Variants in SHISA9 observed in about 807,000 individuals in gnomAD.
SHISA9 encodes shisa family member 9.
A neutral mutation model predicts 38.0 loss-of-function variants in SHISA9; 13 were observed. That is an observed-to-expected ratio of 0.34 (90% CI 0.22 to 0.54). The LOEUF is 0.54. Ranked by LOEUF, SHISA9 falls within the 20% of genes least tolerant of loss-of-function variation. SHISA9 has a pLI of 0.91. For missense variants in SHISA9, 538 were observed against 575.8 expected, an observed-to-expected ratio of 0.93 and a Z score of 0.67; for synonymous variants, 275 against 242.0, an observed-to-expected ratio of 1.14 and a Z score of -1.27.
chr16:12,991,887 A>G (rs1435655683), intron 2 of SHISA9, among the ~76,000 whole-genome samples: 1 of 152,164 alleles, frequency 6.6e-6, no homozygotes, highest in African/African-American at 2.4e-5. Context: ...AAAAAAATAT[A>G]TCCTTAGCTT....
the SHISA9 span, among the ~76,000 whole-genome samples, chr16:13,555,458 A>G: frequency 6.6e-6 from 1 of 152,236 alleles, no homozygotes; most frequent in African/African-American, 2.4e-5. Flanking sequence ...GTTCCTTTAT[A>G]TACCAGGAAA....
At chr16:12,932,820 G>A (rs779193281) in intron 2 of SHISA9, among the ~76,000 whole-genome samples, 1 of 152,240 alleles carries the variant, frequency 6.6e-6, no homozygotes, top group Non-Finnish European at 1.5e-5. Flanking sequence ...GCTCCCTGCA[G>A]TGGAGTGTTG....
the SHISA9 span, among the ~76,000 whole-genome samples, chr16:13,436,346 C>T: frequency 6.6e-6 from 1 of 152,236 alleles, no homozygotes; most frequent in Non-Finnish European, 1.5e-5. Context: ...AATGCATTAG[C>T]ATGCTAAAGG....
intron 2 of SHISA9, among the ~76,000 whole-genome samples, chr16:13,049,449 G>T (rs993877559): frequency 1.3e-5 from 2 of 152,054 alleles, no homozygotes; most frequent in African/African-American, 4.8e-5. Context: ...TTGAAATGGG[G>T]ATTCATCAGG....
intron 2 of SHISA9, among the ~76,000 whole-genome samples, chr16:13,110,125 G>A (rs2141965876): frequency 6.6e-6 from 1 of 152,280 alleles, no homozygotes; most frequent in East Asian, 1.9e-4. Context: ...CACATATAGA[G>A]GGTTGTGTTG....
intron 2 of SHISA9, among the ~76,000 whole-genome samples, chr16:12,933,127 T>A (rs368259140): frequency 6.6e-6 from 1 of 152,190 alleles, no homozygotes; most frequent in East Asian, 1.9e-4. Context: ...ATATCTTTGT[T>A]TAATGAATGA....
intron 2 of SHISA9, among the ~76,000 whole-genome samples, chr16:13,199,675 G>A (rs918951354): frequency 7.2e-5 from 11 of 152,166 alleles, no homozygotes; most frequent in African/African-American, 2.4e-4. Context: ...TTCGTTGTTT[G>A]ACTCCAATGG....
chr16:13,280,047 C>A, the SHISA9 span, among the ~76,000 whole-genome samples: 3 of 150,200 alleles, frequency 2.0e-5, no homozygotes, highest in East Asian at 5.8e-4. Flanking sequence ...TTTAAATATT[C>A]ATGGGATCAG....
chr16:13,469,371 AAGAAAG>A, the SHISA9 span, among the ~76,000 whole-genome samples: 395 of 87,740 alleles, frequency 4.5e-3, no homozygotes, highest in Non-Finnish European at 5.4e-3. Context: ...AAGAAAAAGA[AAGAAAG>A]AAAGAAAGAA....
At chr16:13,517,955 C>A in the SHISA9 span, among the ~76,000 whole-genome samples, 1 of 152,286 alleles carries the variant, frequency 6.6e-6, no homozygotes, top group East Asian at 1.9e-4. Flanking sequence ...TTACAGAATC[C>A]CTGCTCTTCT....
intron 2 of SHISA9, among the ~76,000 whole-genome samples, chr16:13,020,246 G>A (rs1256245269): frequency 6.6e-6 from 1 of 151,680 alleles, no homozygotes; most frequent in Non-Finnish European, 1.5e-5. Context: ...GGCTTGTCTT[G>A]AACTCCTGAC....
At chr16:13,194,395 G>C (rs570814446) in intron 2 of SHISA9, among the ~76,000 whole-genome samples, 3 of 152,202 alleles carry the variant, frequency 2.0e-5, no homozygotes, top group African/African-American at 4.8e-5. Context: ...CAGACTGTCA[G>C]GTTCAAAGCT....
the SHISA9 span, among the ~76,000 whole-genome samples, chr16:13,307,452 C>G: frequency 1.3e-3 from 192 of 152,260 alleles, no homozygotes; most frequent in African/African-American, 4.0e-3. Flanking sequence ...GCTTTCTGTT[C>G]TAGTAGAAGC....
At chr16:13,253,464 G>A in the SHISA9 span, among the ~76,000 whole-genome samples, 1 of 152,182 alleles carries the variant, frequency 6.6e-6, no homozygotes, top group African/African-American at 2.4e-5. Flanking sequence ...TATAAGAAGA[G>A]GTTTAATGGA....
chr16:12,994,394 G>A (rs1182865379), intron 2 of SHISA9, among the ~76,000 whole-genome samples: 1 of 152,208 alleles, frequency 6.6e-6, no homozygotes, highest in African/African-American at 2.4e-5. Flanking sequence ...CACTGATGCT[G>A]GGCTTAGCCC....
chr16:13,352,474 G>A, the SHISA9 span, among the ~76,000 whole-genome samples: 1 of 152,100 alleles, frequency 6.6e-6, no homozygotes, highest in Non-Finnish European at 1.5e-5. Context: ...AGGGAGATGG[G>A]AGCGTAGCTA....
At chr16:12,951,503 A>G (rs2071756842) in intron 2 of SHISA9, among the ~76,000 whole-genome samples, 1 of 152,126 alleles carries the variant, frequency 6.6e-6, no homozygotes, top group South Asian at 2.1e-4. Context: ...GTTCCAAGAA[A>G]ACATTATTTG....
chr16:13,199,277 T>C (rs2050981108), intron 2 of SHISA9, among the ~76,000 whole-genome samples: 1 of 152,192 alleles, frequency 6.6e-6, no homozygotes. Context: ...TAGGGGGGCC[T>C]ACCATTGAGA....
At chr16:12,937,206 TC>T (rs1310952952) in intron 2 of SHISA9, among the ~76,000 whole-genome samples, 1 of 152,190 alleles carries the variant, frequency 6.6e-6, no homozygotes, top group African/African-American at 2.4e-5. Context: ...TAGCAGTCTG[TC>T]CATGTACATA....
Sources: gnomAD v4.1 joint callset for allele counts (sites outside exome capture counted in the v4.1 genomes callset) on GRCh38, gnomAD v4.1.1 for gene constraint, MANE v1.5 for transcripts, NCBI Gene and HGNC (gene_info 2026-07-23, HGNC 2026-07-21) for gene names.